Variants in REDIC1 observed in about 807,000 individuals in gnomAD.
The protein encoded by REDIC1 is regulator of DNA class I crossover intermediates 1.
At chr12:39,679,004 G>T in the REDIC1 span, among the ~76,000 whole-genome samples, 4 of 152,132 alleles carry the variant, frequency 2.6e-5, no homozygotes, top group African/African-American at 9.6e-5. Flanking sequence ...ACTGAATGGG[G>T]GAAAGTTGAA....
At chr12:39,830,018 A>G in the REDIC1 span, 4 of 1,549,146 alleles carry the variant, frequency 2.6e-6, no homozygotes, top group South Asian at 2.3e-5. Context: ...AAGAACTGCT[A>G]TAAGTGCAAG....
At chr12:39,891,755 C>T in the REDIC1 span, among the ~76,000 whole-genome samples, 10 of 152,138 alleles carry the variant, frequency 6.6e-5, no homozygotes, top group Admixed American at 6.5e-4. Flanking sequence ...GATCAGGGCT[C>T]AGTCCCCTAA....
the REDIC1 span, among the ~76,000 whole-genome samples, chr12:39,712,982 C>CAT: frequency 0.045 from 213 of 4,786 alleles, 1 homozygote; most frequent in African/African-American, 0.15. Context: ...TGTATATATA[C>CAT]ATGTGTATAT....
chr12:39,711,230 T>A, the REDIC1 span, among the ~76,000 whole-genome samples: 1 of 150,292 alleles, frequency 6.7e-6, no homozygotes, highest in Non-Finnish European at 1.5e-5. Context: ...TAATCTACCA[T>A]ATATATATAT....
the REDIC1 span, among the ~76,000 whole-genome samples, chr12:39,786,220 G>A: frequency 1.2e-4 from 19 of 152,250 alleles, no homozygotes; most frequent in Admixed American, 6.5e-4. Context: ...CCAGGGGGAG[G>A]TAATTGAATC....
chr12:39,661,109 A>C, the REDIC1 span, among the ~76,000 whole-genome samples: 1 of 152,196 alleles, frequency 6.6e-6, no homozygotes, highest in Admixed American at 6.6e-5. Flanking sequence ...TAGTGCTGTA[A>C]TAAACATGGG....
chr12:39,764,890 A>C, the REDIC1 span: 1 of 1,599,974 alleles, frequency 6.3e-7, no homozygotes, highest in Admixed American at 1.7e-5. Context: ...GTATTAACTT[A>C]ATGTTTTTGA....
the REDIC1 span, among the ~76,000 whole-genome samples, chr12:39,848,415 A>G: frequency 6.6e-6 from 1 of 152,336 alleles, no homozygotes; most frequent in Non-Finnish European, 1.5e-5. Flanking sequence ...CAAGGAGCAT[A>G]TGAAAAAAAT....
At chr12:39,746,412 T>A in the REDIC1 span, among the ~76,000 whole-genome samples, 1 of 152,064 alleles carries the variant, frequency 6.6e-6, no homozygotes, top group African/African-American at 2.4e-5. Context: ...CTTGAGTAGG[T>A]AAACAAAACT....
At chr12:39,626,215 C>A in the REDIC1 span, 2 of 1,035,068 alleles carry the variant, frequency 1.9e-6, no homozygotes, top group South Asian at 1.5e-5. Flanking sequence ...CCAGAAGGAG[C>A]TTACTCGGGC....
At chr12:39,731,887 A>G in the REDIC1 span, among the ~76,000 whole-genome samples, 2 of 151,882 alleles carry the variant, frequency 1.3e-5, no homozygotes, top group Non-Finnish European at 2.9e-5. Context: ...AATGTAGAAA[A>G]TGTAACACAA....
At chr12:39,882,356 C>A in the REDIC1 span, among the ~76,000 whole-genome samples, 1 of 152,150 alleles carries the variant, frequency 6.6e-6, no homozygotes, top group Admixed American at 6.6e-5. Flanking sequence ...AATTACTTCC[C>A]CAAACCATTG....
At chr12:39,653,683 CT>C in the REDIC1 span, among the ~76,000 whole-genome samples, 1 of 151,390 alleles carries the variant, frequency 6.6e-6, no homozygotes, top group African/African-American at 2.4e-5. Flanking sequence ...CTTAACTTTG[CT>C]AACTAGAGCC....
chr12:39,747,275 G>A, the REDIC1 span, among the ~76,000 whole-genome samples: 1 of 152,212 alleles, frequency 6.6e-6, no homozygotes, highest in African/African-American at 2.4e-5. Flanking sequence ...ACTACATGAC[G>A]AATGCACAAG....
At chr12:39,626,423 C>G in the REDIC1 span, 1 of 1,602,264 alleles carries the variant, frequency 6.2e-7, no homozygotes, top group East Asian at 2.2e-5. Flanking sequence ...TTTCTAGTTC[C>G]TGGCGGAGAG....
chr12:39,853,628 T>C, the REDIC1 span, among the ~76,000 whole-genome samples: 1 of 151,412 alleles, frequency 6.6e-6, no homozygotes, highest in Non-Finnish European at 1.5e-5. Flanking sequence ...TGTTAAGTAA[T>C]TTTCCTAGAA....
At chr12:39,663,334 G>A in the REDIC1 span, among the ~76,000 whole-genome samples, 3 of 152,046 alleles carry the variant, frequency 2.0e-5, no homozygotes, top group South Asian at 2.1e-4. Context: ...GTATCCTCCT[G>A]CTGAATTGAT....
the REDIC1 span, among the ~76,000 whole-genome samples, chr12:39,894,613 A>C: frequency 6.6e-6 from 1 of 152,234 alleles, no homozygotes; most frequent in African/African-American, 2.4e-5. Flanking sequence ...AAATGATTAC[A>C]AGGGAAAATA....
At chr12:39,746,100 G>A in the REDIC1 span, 1 of 152,084 alleles carries the variant, frequency 6.6e-6, no homozygotes, top group Admixed American at 6.5e-5. Context: ...AGGACAGTGG[G>A]TGCAGCCCAC....
Sources: gnomAD v4.1 joint callset for allele counts (sites outside exome capture counted in the v4.1 genomes callset) on GRCh38, gnomAD v4.1.1 for gene constraint, MANE v1.5 for transcripts, NCBI Gene and HGNC (gene_info 2026-07-23, HGNC 2026-07-21) for gene names.